THSD7A: variants seen among roughly 807,000 people sequenced by gnomAD.
THSD7A encodes the protein thrombospondin type-1 domain-containing protein 7A.
In THSD7A, 96 loss-of-function variants were observed where a neutral mutation model predicts 231.3. That is an observed-to-expected ratio of 0.41 (90% CI 0.35 to 0.49). The LOEUF is 0.49. Ranked by LOEUF, THSD7A falls within the 20% of genes least tolerant of loss-of-function variation. The pLI is 0.05. For synonymous variants in THSD7A, 940 were observed against 743.3 expected (o/e 1.26, Z -4.30); for missense variants, 2,290 against 2,070.2 (o/e 1.11, Z -2.06).
chr7:11,416,569 C>G (rs182682569), intron 17 of THSD7A, among the ~76,000 whole-genome samples: 135 of 152,298 alleles, frequency 8.9e-4, no homozygotes, highest in African/African-American at 2.8e-3. Flanking sequence ...TATCAGTTGT[C>G]TGCTAATCAG....
intron 23 of THSD7A, among the ~76,000 whole-genome samples, chr7:11,390,327 G>T: frequency 6.6e-6 from 1 of 152,174 alleles, no homozygotes; most frequent in East Asian, 1.9e-4. Flanking sequence ...CTCTAATCTT[G>T]TCTTCTCACT....
chr7:11,698,899 T>C (rs533144664), intron 1 of THSD7A, among the ~76,000 whole-genome samples: 3 of 151,290 alleles, frequency 2.0e-5, no homozygotes, highest in African/African-American at 7.3e-5. Flanking sequence ...TAGCATAACT[T>C]TATTTCTTAT....
chr7:11,380,720 T>A (rs1240173295), intron 24 of THSD7A, among the ~76,000 whole-genome samples: 3 of 152,182 alleles, frequency 2.0e-5, no homozygotes, highest in Non-Finnish European at 4.4e-5. Context: ...GGTAATATAC[T>A]TTACATGCTT....
chr7:11,379,198 A>T lies in THSD7A; in HGVS notation c.4673T>A (p.Val1558Glu). 6.2e-7 allele frequency: 1 copy of T among 1,613,650 alleles called. No homozygotes were observed. Among genetic ancestry groups the T allele is most frequent in the Non-Finnish European group, 8.5e-7 (1 of 1,179,668 alleles). ...STLEQCTLIP[V>E]VVLPTMEDKR... ...GTCCTCCATGGTGGGTAATACCACC[A>T]CGGGGATAAGTGTGCATTGCTCAAG... Residue 1558 changes from valine (V) to glutamate (E), a missense_variant, in exon 26 of 28, where the codon GTG (valine) becomes GAG (glutamate). Coordinates refer to ENST00000423059, the MANE Select transcript of THSD7A (RefSeq NM_015204.3).
At chr7:11,787,782 G>T (rs979814872) in intron 1 of THSD7A, among the ~76,000 whole-genome samples, 4 of 151,952 alleles carry the variant, frequency 2.6e-5, no homozygotes, top group African/African-American at 9.7e-5. Context: ...AAAACAAGGG[G>T]AATTTTCCTT....
chr7:11,404,701 C>G (rs1215815279), intron 22 of THSD7A, among the ~76,000 whole-genome samples: 1 of 152,158 alleles, frequency 6.6e-6, no homozygotes, highest in Non-Finnish European at 1.5e-5. Context: ...TTGGCAGCAA[C>G]ACTTTGCCTG....
At chr7:11,412,823 C>G in intron 17 of THSD7A, 23 bp from the exon 18 acceptor site, 1 of 1,600,470 alleles carries the variant, frequency 6.2e-7, no homozygotes, top group Non-Finnish European at 8.5e-7. Context: ...AGTACAAATT[C>G]TCAGAAAGGT....
Position 11,481,996 on chromosome 7 carries a change from G to T in THSD7A, c.1823-14C>A. 1 of 1,582,618 alleles carries T rather than the reference G, an allele frequency of 6.3e-7. No individual in the cohort carries two copies. The highest frequency in any genetic ancestry group is 1.2e-5 in the South Asian group (1 of 86,864). On this transcript the variant is annotated splice_polypyrimidine_tract_variant and intron_variant, in intron 6 of 27. Transcript: ENST00000423059. ...CAACTTCTTCTCCTGGGGAAAACAT[G>T]ACCACCAACAGCTATTATTGTTAAA...
rs951775922 is a variant in THSD7A at position 11,717,527 on chromosome 7, C to A, written c.191-80566G>T. 2.0e-5 allele frequency among the ~76,000 whole-genome samples: 3 copies of A among 151,530 alleles called. No individual in the cohort carries two copies. The East Asian group carries it at 5.9e-4, about 30-fold the overall frequency. On this transcript the variant is annotated intron_variant, in intron 1 of 27. Transcript: ENST00000423059. ...AGGAGTGGCACAGTGCCAGAAAGGCCCTTTTTCTTTTTCTTTATTGGAACC... is the reference window on the plus strand; with the variant it reads ...AGGAGTGGCACAGTGCCAGAAAGGCACTTTTTCTTTTTCTTTATTGGAACC...
chr7:11,520,752 C>T (rs182299270), intron 6 of THSD7A, among the ~76,000 whole-genome samples: 1 of 152,288 alleles, frequency 6.6e-6, no homozygotes, highest in Admixed American at 6.5e-5. Context: ...AAGGTAGTCA[C>T]TGTAAGGTCT....
chr7:11,481,545 G>C (rs1786424551), intron 7 of THSD7A, among the ~76,000 whole-genome samples: 1 of 152,004 alleles, frequency 6.6e-6, no homozygotes, highest in South Asian at 2.1e-4. Flanking sequence ...TGACTGGAAG[G>C]GTGGGAAAAA....
Position 11,474,435 on chromosome 7 carries a change from G to T in THSD7A, c.2151C>A (p.Asn717Lys). The change falls in exon 8 of 28, where the codon AAC (asparagine) becomes AAA (lysine). Residue 717 changes from asparagine to lysine, a missense_variant. Asn to Lys is a moderately conservative substitution (Grantham distance 94, BLOSUM62 0). Coordinates refer to ENST00000423059, the MANE Select transcript of THSD7A (RefSeq NM_015204.3). The surrounding 1 kb of genome is among the most constrained non-coding windows in gnomAD (Gnocchi z 4.1). ...CCTCCCCATTCCAAGTCGTAGTTGT[G>T]TTGAAGGACGATACTGAGGTGTCCT... ...CIEDTSVSSF[N>K]TTTTWNGEAS... 1 of 1,613,608 alleles carries T rather than the reference G, an allele frequency of 6.2e-7. No homozygotes were observed. Among genetic ancestry groups the T allele is most frequent in the Non-Finnish European group, 8.5e-7 (1 of 1,179,626 alleles).
At chr7:11,714,126 A>G (rs1386043753) in intron 1 of THSD7A, among the ~76,000 whole-genome samples, 1 of 151,238 alleles carries the variant, frequency 6.6e-6, no homozygotes, top group African/African-American at 2.4e-5. Flanking sequence ...CGATGTTTTC[A>G]AGGCACTTGT....
At chr7:11,668,867 A>G (rs1401204187) in intron 1 of THSD7A, among the ~76,000 whole-genome samples, 1 of 152,188 alleles carries the variant, frequency 6.6e-6, no homozygotes, top group Non-Finnish European at 1.5e-5. Context: ...TGGTTACTAT[A>G]TATAGGGTGT....
chr7:11,478,982 T>A (rs77864674), intron 7 of THSD7A, among the ~76,000 whole-genome samples: 1,747 of 152,286 alleles, frequency 0.011, 8 homozygotes, highest in Middle Eastern at 0.034. Context: ...ATGGGAGAAT[T>A]TACTTGCTGA....
intron 1 of THSD7A, among the ~76,000 whole-genome samples, chr7:11,667,747 A>G (rs1405861225): frequency 2.0e-5 from 3 of 152,208 alleles, no homozygotes; most frequent in Non-Finnish European, 1.5e-5. Flanking sequence ...ACGTATGATT[A>G]TCATGATTCT....
Position 11,379,431 on chromosome 7 carries a change from T to C in THSD7A, c.4591-151A>G, listed in dbSNP as rs910680289. On this transcript the variant is annotated intron_variant, in intron 25 of 27. Coordinates refer to ENST00000423059, the MANE Select transcript of THSD7A (RefSeq NM_015204.3). ...TATTTTTAACTACAAAGAAACATAC[T>C]TTTGGCATTATATGAAAATGTATTC... 2.6e-5 allele frequency: 23 copies of C among 894,232 alleles called. No homozygotes were observed. In the African/African-American group the frequency reaches 2.9e-4, roughly 11 times the overall value. 55.4% of individuals were successfully genotyped at this position (894,232 alleles called of 1,614,324 possible). A position where few individuals can be genotyped will look rare whatever the true frequency, so the allele number is the denominator to read the frequency against.
In THSD7A at chr7:11,514,649, T is replaced by G. The variant is rs143086905; in HGVS notation, c.1822+26770A>C. On this transcript the variant is annotated intron_variant, in intron 6 of 27. Transcript: ENST00000423059. ...TTTTTTGTCTTTAAGATTTATGATA[T>G]ATAATATTGCATGCAATCTTTAACA... 1.6e-3 allele frequency among the ~76,000 whole-genome samples: 247 copies of G among 152,316 alleles called. 2 individuals are homozygous for G. Among genetic ancestry groups the G allele is most frequent in the African/African-American group, 5.3e-3 (222 of 41,570 alleles).
intron 1 of THSD7A, among the ~76,000 whole-genome samples, chr7:11,769,809 CTCT>C (rs774198003): frequency 3.9e-5 from 6 of 152,020 alleles, no homozygotes; most frequent in Non-Finnish European, 8.8e-5. Context: ...TCAGTGAGTC[CTCT>C]TCTTAACTTT....
Sources: allele counts gnomAD v4.1 joint callset (sites outside exome capture counted in the v4.1 genomes callset), GRCh38; gene constraint gnomAD v4.1.1; non-coding constraint Gnocchi (gnomAD v3.1); transcripts MANE v1.5; gene names NCBI Gene and HGNC (gene_info 2026-07-23, HGNC 2026-07-21).